The following CDH18 variants were observed in gnomAD, a reference collection of about 807,000 sequenced individuals.
CDH18 encodes cadherin 18.
In CDH18, 31 loss-of-function variants were observed where a neutral mutation model predicts 67.9. That is an observed-to-expected ratio of 0.46 (90% CI 0.34 to 0.62). CDH18 has a LOEUF of 0.62. Among genes scored for constraint, CDH18 ranks in the 20% least tolerant of loss-of-function variants. The pLI is 0.01. For missense variants in CDH18, 890 were observed against 975.5 expected (o/e 0.91, Z 1.17); for synonymous variants, 362 against 347.2 (o/e 1.04, Z -0.48).
At chr5:19,808,832 C>CAAAAA (rs1173922790) in intron 3 of CDH18, among the ~76,000 whole-genome samples, 1 of 53,934 alleles carries the variant, frequency 1.9e-5, no homozygotes, top group African/African-American at 7.6e-5. Context: ...AACTCTGTCT[C>CAAAAA]AAAAAAAAAA....
chr5:19,873,807 C>A lies in CDH18; in HGVS notation c.-256-34565G>T, dbSNP rs151042462. Among the ~76,000 whole-genome samples, 465 of 152,082 alleles carry A rather than the reference C, an allele frequency of 3.1e-3. 4 individuals are homozygous for A. Among genetic ancestry groups the A allele is most frequent in the African/African-American group, 0.011 (453 of 41,484 alleles). On this transcript the variant is annotated intron_variant, in intron 2 of 12. Transcript: ENST00000382275. ...GGACTACAGGAATATGCTGCCATGC[C>A]CGGCTAATTTTTTGTATTTTAGTAG...
chr5:20,161,256 A>G lies in CDH18; in HGVS notation c.-518+94188T>C, dbSNP rs1735868353. 2.0e-5 allele frequency among the ~76,000 whole-genome samples: 3 copies of G among 152,336 alleles called. No homozygotes were observed. In the South Asian group the frequency reaches 6.2e-4, roughly 32 times the overall value. ...TCCCCTAGATGCCTGGCTGATGCCA[A>G]CACAGTCAACTTGGTGTCTCACATG... On this transcript the variant is annotated intron_variant, in intron 2 of 14. Transcript: ENST00000507958.
At chr5:20,227,711 C>A (rs918495464) in intron 2 of CDH18, among the ~76,000 whole-genome samples, 9 of 151,880 alleles carry the variant, frequency 5.9e-5, no homozygotes, top group Non-Finnish European at 1.3e-4. Context: ...GGTCTCTTAA[C>A]TCCTAGGCTC....
At chr5:19,818,896 T>G (rs2149934160) in intron 3 of CDH18, among the ~76,000 whole-genome samples, 1 of 152,306 alleles carries the variant, frequency 6.6e-6, no homozygotes, top group East Asian at 1.9e-4. Context: ...TTTGCTACTA[T>G]TATTTTCTTA....
At chr5:19,921,824 G>C (rs1792514633) in intron 2 of CDH18, among the ~76,000 whole-genome samples, 1 of 151,848 alleles carries the variant, frequency 6.6e-6, no homozygotes, top group Non-Finnish European at 1.5e-5. Flanking sequence ...AGTATGAAGA[G>C]AGAAATTCTC....
At chr5:20,275,263 G>A (rs924421265) in intron 1 of CDH18, among the ~76,000 whole-genome samples, 3 of 151,914 alleles carry the variant, frequency 2.0e-5, no homozygotes, top group African/African-American at 7.3e-5. Context: ...TTGTTCTTGT[G>A]ATAGTGAGTG....
chr5:20,228,612 T>C (rs891969324), intron 2 of CDH18, among the ~76,000 whole-genome samples: 6 of 152,026 alleles, frequency 3.9e-5, no homozygotes, highest in Non-Finnish European at 7.4e-5. Context: ...ATGACCAACA[T>C]CTCACCAACC....
chr5:19,674,640 T>A (rs1759219473), intron 5 of CDH18, among the ~76,000 whole-genome samples: 1 of 152,168 alleles, frequency 6.6e-6, no homozygotes, highest in Admixed American at 6.6e-5. Context: ...CAACTATTAA[T>A]ATGCATTAAA....
intron 2 of CDH18, among the ~76,000 whole-genome samples, chr5:20,085,966 C>T (rs1249342779): frequency 6.6e-6 from 1 of 152,068 alleles, no homozygotes; most frequent in Admixed American, 6.6e-5. Flanking sequence ...CTAGAAATGA[C>T]ACATTTATTA....
intron 2 of CDH18, among the ~76,000 whole-genome samples, chr5:20,203,815 T>C (rs1269864850): frequency 6.6e-6 from 1 of 152,052 alleles, no homozygotes; most frequent in East Asian, 1.9e-4. Context: ...TATGTGAGTG[T>C]TCTGACCAAT....
intron 2 of CDH18, among the ~76,000 whole-genome samples, chr5:19,894,549 T>C (rs1479633760): frequency 6.6e-6 from 1 of 152,074 alleles, no homozygotes; most frequent in South Asian, 2.1e-4. Flanking sequence ...AAAATAAACA[T>C]ATACTGAAGT....
At chr5:20,481,380 C>T (rs1464765405) in intron 1 of CDH18, among the ~76,000 whole-genome samples, 1 of 152,076 alleles carries the variant, frequency 6.6e-6, no homozygotes, top group African/African-American at 2.4e-5. Context: ...GACTTCAACA[C>T]TCCATTTTTA....
intron 1 of CDH18, among the ~76,000 whole-genome samples, chr5:20,326,070 A>G (rs190980363): frequency 2.2e-4 from 34 of 152,286 alleles, no homozygotes; most frequent in African/African-American, 7.9e-4. Context: ...TTTACTCTAG[A>G]TACTCTTTCT....
intron 1 of CDH18, among the ~76,000 whole-genome samples, chr5:20,506,636 A>G (rs1396905062): frequency 6.6e-6 from 1 of 152,162 alleles, no homozygotes; most frequent in African/African-American, 2.4e-5. Context: ...AAAGTAAGGG[A>G]CTCAGTTAAG....
At chr5:19,502,349 A>G (rs1743390819) in intron 11 of CDH18, among the ~76,000 whole-genome samples, 1 of 152,194 alleles carries the variant, frequency 6.6e-6, no homozygotes, top group Non-Finnish European at 1.5e-5. Context: ...TAATGTATGA[A>G]GAATGACTTA....
intron 5 of CDH18, among the ~76,000 whole-genome samples, chr5:19,646,149 A>G (rs1754706476): frequency 6.6e-6 from 1 of 152,082 alleles, no homozygotes; most frequent in Admixed American, 6.6e-5. Context: ...TTATTGGTGA[A>G]CTGGTTGTAA....
At chr5:20,242,620 A>ACATATATACATG (rs1554106663) in intron 2 of CDH18, among the ~76,000 whole-genome samples, 7 of 68,876 alleles carry the variant, frequency 1.0e-4, no homozygotes, top group African/African-American at 4.6e-4. Context: ...AAATATATAT[A>ACATATATACATG]TATATATATA....
intron 1 of CDH18, among the ~76,000 whole-genome samples, chr5:20,519,377 A>G (rs1171688823): frequency 2.0e-5 from 3 of 152,076 alleles, no homozygotes. Flanking sequence ...AGGACAAAAA[A>G]CCAAACACCG....
intron 2 of CDH18, among the ~76,000 whole-genome samples, chr5:19,922,303 AT>A (rs1190864905): frequency 6.6e-6 from 1 of 152,188 alleles, no homozygotes; most frequent in Non-Finnish European, 1.5e-5. Flanking sequence ...AGCAATATTA[AT>A]ATTTTAATCC....
Sources: gnomAD v4.1 joint callset for allele counts (sites outside exome capture counted in the v4.1 genomes callset) on GRCh38, gnomAD v4.1.1 for gene constraint, MANE v1.5 for transcripts, NCBI Gene and HGNC (gene_info 2026-07-23, HGNC 2026-07-21) for gene names.